Variants in FHOD3 observed in about 807,000 individuals in gnomAD.
FHOD3 encodes the protein formin homology 2 domain containing 3.
In FHOD3, 90 loss-of-function variants were observed where a neutral mutation model predicts 173.0. That is an observed-to-expected ratio of 0.52 (90% CI 0.44 to 0.62). The LOEUF is 0.62. Among genes scored for constraint, FHOD3 ranks in the 20% least tolerant of loss-of-function variants. The pLI, the probability that FHOD3 is intolerant of heterozygous loss-of-function variation, is 0.00. For synonymous variants in FHOD3, 828 were observed against 823.0 expected (o/e 1.01, Z -0.10); for missense variants, 1,945 against 2,034.7 (o/e 0.96, Z 0.85).
At chr18:36,750,090 T>C (rs537604097) in intron 24 of FHOD3, among the ~76,000 whole-genome samples, 8 of 152,170 alleles carry the variant, frequency 5.3e-5, no homozygotes, top group Middle Eastern at 3.4e-3. Context: ...GAGATCAAGA[T>C]CATCCTGGCT....
At chr18:36,635,580 G>C (rs142896311) in intron 10 of FHOD3, among the ~76,000 whole-genome samples, 1 of 152,198 alleles carries the variant, frequency 6.6e-6, no homozygotes, top group Non-Finnish European at 1.5e-5. Context: ...GAATGCAGGA[G>C]GCTGTGGTTT....
chr18:36,761,162 G>C (rs1450041785), intron 27 of FHOD3, among the ~76,000 whole-genome samples: 1 of 152,160 alleles, frequency 6.6e-6, no homozygotes. Context: ...CTTTGGCAGA[G>C]TTGAGCCACT....
chr18:36,630,241 A>T (rs2148851206), intron 10 of FHOD3, among the ~76,000 whole-genome samples: 1 of 152,202 alleles, frequency 6.6e-6, no homozygotes, highest in East Asian at 1.9e-4. Flanking sequence ...TATAGAATAT[A>T]TTTCTAGTTT....
Position 36,718,235 on chromosome 18 carries a change from C to G in FHOD3, c.2937C>G (p.Ile979Met). 6.2e-7 allele frequency: 1 copy of G among 1,614,188 alleles called. No homozygotes were observed. Among genetic ancestry groups the G allele is most frequent in the South Asian group, 1.1e-5 (1 of 91,080 alleles). Residue 979 changes from isoleucine to methionine, a missense_variant, in exon 19 of 29, where the codon ATC (isoleucine) becomes ATG (methionine). Transcript: ENST00000590592. ...AGCCGAAGACAGAGTCTGATTACAT[C>G]TGGGACCAGCTCATGGCCAATCCAA... is the stretch of plus-strand genomic sequence containing the variant. The part of the protein sequence containing the change: ...PVQPKTESDY[I>M]WDQLMANPRE...
intron 17 of FHOD3, among the ~76,000 whole-genome samples, chr18:36,708,127 C>T (rs1211137003): frequency 6.6e-6 from 1 of 152,156 alleles, no homozygotes. Context: ...TGTGCCATTT[C>T]CCTGTTCCCT....
chr18:36,451,991 A>AC (rs148753616), intron 3 of FHOD3, among the ~76,000 whole-genome samples: 6,482 of 151,588 alleles, frequency 0.043, 422 homozygotes, highest in African/African-American at 0.15. Context: ...CCACTTTTGT[A>AC]CCCCCTTTGC....
intron 5 of FHOD3, among the ~76,000 whole-genome samples, chr18:36,530,164 A>T (rs1479310481): frequency 6.6e-6 from 1 of 152,164 alleles, no homozygotes; most frequent in Non-Finnish European, 1.5e-5. Flanking sequence ...AACATATCAG[A>T]CTTAGAAAAC....
At chr18:36,509,537 T>C (rs1471657966) in intron 4 of FHOD3, among the ~76,000 whole-genome samples, 1 of 152,090 alleles carries the variant, frequency 6.6e-6, no homozygotes, top group Non-Finnish European at 1.5e-5. Flanking sequence ...TGTGAGTGCA[T>C]ATTTTTAAGA....
Position 36,355,652 on chromosome 18 carries a change from G to A in FHOD3, c.272+7G>A, listed in dbSNP as rs373418378. 1.2e-6 allele frequency: 2 copies of A among 1,612,780 alleles called. No individual in the cohort carries two copies. Among genetic ancestry groups the A allele is most frequent in the African/African-American group, 1.3e-5 (1 of 75,028 alleles). On this transcript the variant is annotated splice_region_variant and intron_variant, in intron 2 of 28. Transcript: ENST00000590592. The stretch of plus-strand genomic sequence containing the variant: ...GCTTCCAGGATGACGCCGGGTAAGA[G>A]CAACTGTTCACCCTGCTGACTGGTC...
chr18:36,586,383 A>G (rs2059027438), intron 6 of FHOD3, among the ~76,000 whole-genome samples: 1 of 152,242 alleles, frequency 6.6e-6, no homozygotes, highest in African/African-American at 2.4e-5. Context: ...ATTTCCCTCA[A>G]CCACGAATTT....
At chr18:36,706,631 C>T (rs1013379098) in intron 17 of FHOD3, among the ~76,000 whole-genome samples, 1 of 152,170 alleles carries the variant, frequency 6.6e-6, no homozygotes, top group Non-Finnish European at 1.5e-5. Flanking sequence ...AGTGCACACC[C>T]GCAGGCTGAA....
intron 2 of FHOD3, among the ~76,000 whole-genome samples, chr18:36,368,903 C>G (rs2047030633): frequency 6.6e-6 from 1 of 152,148 alleles, no homozygotes; most frequent in Non-Finnish European, 1.5e-5. Flanking sequence ...TCACCCCCCA[C>G]CAGGTCCCTC....
intron 3 of FHOD3, among the ~76,000 whole-genome samples, chr18:36,439,299 C>G (rs2050990939): frequency 6.6e-6 from 1 of 152,166 alleles, no homozygotes; most frequent in African/African-American, 2.4e-5. Flanking sequence ...TGTAGAAAGG[C>G]AGCTGTATTA....
At chr18:36,589,797 G>T (rs551562105) in intron 6 of FHOD3, among the ~76,000 whole-genome samples, 2 of 152,170 alleles carry the variant, frequency 1.3e-5, no homozygotes, top group South Asian at 4.2e-4. Context: ...CTGTACTCCT[G>T]TGTGACTGCT....
At chr18:36,771,407 T>A (rs972556927) in intron 28 of FHOD3, among the ~76,000 whole-genome samples, 3 of 152,202 alleles carry the variant, frequency 2.0e-5, no homozygotes, top group African/African-American at 7.2e-5. Flanking sequence ...GAAATAACAT[T>A]TCCTGTGGTT....
intron 9 of FHOD3, among the ~76,000 whole-genome samples, chr18:36,623,754 T>TG (rs2033886869): frequency 6.6e-6 from 1 of 152,190 alleles, no homozygotes; most frequent in African/African-American, 2.4e-5. Flanking sequence ...GGCATGTAGA[T>TG]GGAAGAGATT....
At chr18:36,508,337 G>C (rs2055423250) in intron 4 of FHOD3, among the ~76,000 whole-genome samples, 1 of 151,654 alleles carries the variant, frequency 6.6e-6, no homozygotes, top group Non-Finnish European at 1.5e-5. Context: ...CTAGCAACGA[G>C]ATTGTGGTCT....
chr18:36,490,115 G>A (rs1050002065), intron 3 of FHOD3, among the ~76,000 whole-genome samples: 1 of 152,196 alleles, frequency 6.6e-6, no homozygotes, highest in East Asian at 1.9e-4. Flanking sequence ...CATGGCTTGG[G>A]TGAGCAGTTC....
intron 3 of FHOD3, among the ~76,000 whole-genome samples, chr18:36,479,258 T>G (rs1309348223): frequency 6.6e-6 from 1 of 152,216 alleles, no homozygotes; most frequent in Non-Finnish European, 1.5e-5. Flanking sequence ...GTTTATCTGA[T>G]TTGGGTGTAA....
Sources: gnomAD v4.1 joint callset for allele counts (sites outside exome capture counted in the v4.1 genomes callset) on GRCh38, gnomAD v4.1.1 for gene constraint, MANE v1.5 for transcripts, NCBI Gene and HGNC (gene_info 2026-07-23, HGNC 2026-07-21) for gene names.